PIK3R3: variants seen among roughly 807,000 people sequenced by gnomAD.
PIK3R3 encodes phosphoinositide-3-kinase regulatory subunit 3.
Under a neutral mutation model 62.9 loss-of-function variants are expected in PIK3R3, and 64 were observed. The observed-to-expected ratio is 1.02, with a 90% CI of 0.83 to 1.25. The LOEUF is 1.25. Ranked by LOEUF, PIK3R3 falls within the 50% of genes most tolerant of loss-of-function variation. The pLI, the probability that PIK3R3 is intolerant of heterozygous loss-of-function variation, is 0.00. For synonymous variants in PIK3R3, 165 were observed against 189.0 expected (o/e 0.87, Z 1.04); for missense variants, 614 against 561.6 (o/e 1.09, Z -0.94).
intron 7 of PIK3R3, among the ~76,000 whole-genome samples, chr1:46,054,397 CAAAAAAAAAA>C (rs10649671): frequency 1.2e-5 from 1 of 80,048 alleles, no homozygotes; most frequent in African/African-American, 5.0e-5. Context: ...CTCCGCCTCA[CAAAAAAAAAA>C]AAAAAAAAAA....
chr1:46,171,008 A>C, the PIK3R3 span, among the ~76,000 whole-genome samples: 1 of 152,246 alleles, frequency 6.6e-6, no homozygotes, highest in Non-Finnish European at 1.5e-5. Context: ...CCATGAATCT[A>C]GAATTTCATG....
Position 46,055,962 on chromosome 1 carries a change from C to T in PIK3R3, c.774G>A (p.Met258Ile). The T allele has an allele frequency of 6.3e-7, 1 of 1,581,310 alleles. No homozygotes were observed. The highest frequency in any genetic ancestry group is 8.6e-7 in the Non-Finnish European group (1 of 1,165,148). Residue 258 changes from methionine (M) to isoleucine (I), a missense_variant, in exon 7 of 10, where the codon ATG becomes ATA. Coordinates refer to ENST00000262741, the MANE Select transcript of PIK3R3 (RefSeq NM_003629.4). ...GACGTGATTTCAATTTATCATAATT[C>T]ATCATAATTCTGTAAAAATATTTGA... The part of the protein sequence containing the change: ...GNEKEIERIM[M>I]NYDKLKSRLG...
chr1:46,145,526 G>A, the PIK3R3 span, among the ~76,000 whole-genome samples: 1 of 152,176 alleles, frequency 6.6e-6, no homozygotes, highest in Non-Finnish European at 1.5e-5. Context: ...CATGGTGAGA[G>A]AGGACACAAG....
chr1:46,081,558 G>C (rs941432643), intron 1 of PIK3R3, among the ~76,000 whole-genome samples: 5 of 152,124 alleles, frequency 3.3e-5, no homozygotes, highest in Admixed American at 6.5e-5. Flanking sequence ...CTGATGATCT[G>C]AGGTGGTATA....
the PIK3R3 span, among the ~76,000 whole-genome samples, chr1:46,143,006 T>C: frequency 2.7e-5 from 4 of 148,404 alleles, no homozygotes; most frequent in East Asian, 6.0e-4. Context: ...CTGTGTAGAT[T>C]TGTGTAGATG....
At chr1:46,057,628 CTT>C (rs1270221724) in intron 6 of PIK3R3, among the ~76,000 whole-genome samples, 3 of 152,144 alleles carry the variant, frequency 2.0e-5, no homozygotes, top group Non-Finnish European at 2.9e-5. Flanking sequence ...AAAGGTGACT[CTT>C]GTTACGTTTT....
chr1:46,145,309 C>A, the PIK3R3 span, among the ~76,000 whole-genome samples: 16 of 152,036 alleles, frequency 1.1e-4, no homozygotes, highest in African/African-American at 3.9e-4. Flanking sequence ...CTGCTTCCAT[C>A]CATCCCTGTC....
chr1:46,139,397 C>G, the PIK3R3 span, among the ~76,000 whole-genome samples: 1 of 152,046 alleles, frequency 6.6e-6, no homozygotes, highest in African/African-American at 2.4e-5. Flanking sequence ...CCTCTGCCTC[C>G]CCGGTTCAAG....
intron 1 of PIK3R3, among the ~76,000 whole-genome samples, chr1:46,106,217 C>T (rs574190532): frequency 6.6e-6 from 1 of 152,272 alleles, no homozygotes; most frequent in Admixed American, 6.5e-5. Flanking sequence ...ATCCTCCCAC[C>T]TCAGCCTCCC....
chr1:46,052,892 T>A (rs1183876611), intron 7 of PIK3R3, among the ~76,000 whole-genome samples: 3 of 152,064 alleles, frequency 2.0e-5, no homozygotes, highest in Admixed American at 6.5e-5. Flanking sequence ...CTAATGACAG[T>A]CTTTAGGTAG....
At chr1:46,154,883 A>G in the PIK3R3 span, among the ~76,000 whole-genome samples, 3 of 152,192 alleles carry the variant, frequency 2.0e-5, no homozygotes, top group African/African-American at 7.2e-5. Context: ...TCACCTCCTC[A>G]AAATGACCTT....
intron 7 of PIK3R3, among the ~76,000 whole-genome samples, chr1:46,051,916 T>C (rs1647386395): frequency 6.6e-6 from 1 of 152,068 alleles, no homozygotes; most frequent in Middle Eastern, 3.4e-3. Context: ...GGCAGGCGGA[T>C]CACAAGGTCA....
intron 1 of PIK3R3, among the ~76,000 whole-genome samples, chr1:46,121,659 AAT>A (rs1228466869): frequency 1.3e-5 from 2 of 152,096 alleles, no homozygotes; most frequent in African/African-American, 2.4e-5. Context: ...TTTAAAAATA[AAT>A]AGTTAATAAA....
At chr1:46,166,110 A>C in the PIK3R3 span, among the ~76,000 whole-genome samples, 1 of 151,442 alleles carries the variant, frequency 6.6e-6, no homozygotes, top group Non-Finnish European at 1.5e-5. Flanking sequence ...AAAAAATAAG[A>C]AGCACTCTTT....
At chr1:46,133,539 C>T (rs1655803684), upstream of PIK3R3, among the ~76,000 whole-genome samples, 1 of 152,178 alleles carries the variant, frequency 6.6e-6, no homozygotes, top group African/African-American at 2.4e-5. Context: ...CTCTCCGCAC[C>T]CTTGACAAGT....
chr1:46,115,888 A>G (rs1211376319), intron 1 of PIK3R3, among the ~76,000 whole-genome samples: 1 of 152,148 alleles, frequency 6.6e-6, no homozygotes, highest in Non-Finnish European at 1.5e-5. Flanking sequence ...GGCAAAGGAG[A>G]GAGTTTAATG....
chr1:46,123,280 G>C (rs559714434), intron 1 of PIK3R3, among the ~76,000 whole-genome samples: 6 of 152,260 alleles, frequency 3.9e-5, no homozygotes, highest in Non-Finnish European at 8.8e-5. Flanking sequence ...AGGGGACGCA[G>C]ACAGGCTCTT....
upstream of PIK3R3, among the ~76,000 whole-genome samples, chr1:46,137,151 T>C (rs1349725431): frequency 6.6e-6 from 1 of 152,168 alleles, no homozygotes; most frequent in East Asian, 1.9e-4. Flanking sequence ...ATGTCCTGAC[T>C]ACCAGTTCAT....
At chr1:46,076,815 T>C (rs1313235533) in intron 3 of PIK3R3, among the ~76,000 whole-genome samples, 1 of 152,206 alleles carries the variant, frequency 6.6e-6, no homozygotes, top group African/African-American at 2.4e-5. Flanking sequence ...CATAAGGTTG[T>C]TGTGAAGAAT....
Sources: gnomAD v4.1 joint callset for allele counts (sites outside exome capture counted in the v4.1 genomes callset) on GRCh38, gnomAD v4.1.1 for gene constraint, MANE v1.5 for transcripts, NCBI Gene and HGNC (gene_info 2026-07-23, HGNC 2026-07-21) for gene names.